Variants in SUSD6 observed in about 807,000 individuals in gnomAD.
SUSD6 encodes sushi domain-containing protein 6.
A neutral mutation model predicts 28.4 loss-of-function variants in SUSD6; 16 were observed. The ratio of observed to expected loss-of-function variants is 0.56; its 90% CI spans 0.38 to 0.86. The LOEUF (loss-of-function observed/expected upper bound fraction) is 0.86. SUSD6 is among the 40% of genes least tolerant of loss of function. The pLI is 0.00. For missense variants in SUSD6, 341 were observed against 384.2 expected (o/e 0.89, Z 0.94); for synonymous variants, 147 against 159.6 (o/e 0.92, Z 0.59).
At chr14:69,656,928 C>A (rs1230955962) in intron 1 of SUSD6, among the ~76,000 whole-genome samples, 6 of 152,226 alleles carry the variant, frequency 3.9e-5, no homozygotes, top group Non-Finnish European at 4.4e-5. Context: ...CATCCCTGTT[C>A]TACAGTTTTA....
At chr14:69,616,440 G>T (rs1452005018) in intron 1 of SUSD6, among the ~76,000 whole-genome samples, 1 of 152,200 alleles carries the variant, frequency 6.6e-6, no homozygotes, top group Non-Finnish European at 1.5e-5. Context: ...TTCTGACAAA[G>T]ACAGTAAAAT....
At chr14:69,630,061 C>T (rs1296577828) in intron 1 of SUSD6, among the ~76,000 whole-genome samples, 1 of 152,164 alleles carries the variant, frequency 6.6e-6, no homozygotes, top group Non-Finnish European at 1.5e-5. Context: ...TATTACTAGG[C>T]AGGCTGATAA....
intron 1 of SUSD6, among the ~76,000 whole-genome samples, chr14:69,631,819 T>A (rs1885199302): frequency 1.3e-5 from 2 of 152,320 alleles, no homozygotes; most frequent in South Asian, 4.1e-4. Flanking sequence ...TGGGAAATGC[T>A]TGCAAAAGCA....
At chr14:69,663,754 G>A (rs1885696310) in intron 2 of SUSD6, among the ~76,000 whole-genome samples, 1 of 152,186 alleles carries the variant, frequency 6.6e-6, no homozygotes, top group Non-Finnish European at 1.5e-5. Context: ...TTTGTGCTCA[G>A]TATGTCTGAC....
At chr14:69,702,650 C>T (rs1333032098) in intron 2 of SUSD6, among the ~76,000 whole-genome samples, 2 of 152,202 alleles carry the variant, frequency 1.3e-5, no homozygotes, top group Non-Finnish European at 2.9e-5. Context: ...GACTGTGACC[C>T]CAAGCCTGCC....
At chr14:69,689,828 G>T (rs1417472263) in intron 2 of SUSD6, among the ~76,000 whole-genome samples, 1 of 152,074 alleles carries the variant, frequency 6.6e-6, no homozygotes, top group East Asian at 1.9e-4. Flanking sequence ...ACGTTGCCTG[G>T]CTAATTTTTG....
intron 2 of SUSD6, among the ~76,000 whole-genome samples, chr14:69,686,848 CAG>C (rs138617226): frequency 0.037 from 5,669 of 152,256 alleles, 366 homozygotes; most frequent in African/African-American, 0.13. Flanking sequence ...GGTGGGGACA[CAG>C]AGTCAAACCA....
At chr14:69,627,744 G>A (rs993260527) in intron 1 of SUSD6, among the ~76,000 whole-genome samples, 2 of 151,752 alleles carry the variant, frequency 1.3e-5, no homozygotes, top group African/African-American at 2.4e-5. Flanking sequence ...GATTACAGGC[G>A]TGAGCCACCG....
At chr14:69,667,476 A>T (rs1885761075) in intron 2 of SUSD6, among the ~76,000 whole-genome samples, 1 of 142,416 alleles carries the variant, frequency 7.0e-6, no homozygotes, top group Admixed American at 7.5e-5. Flanking sequence ...TCCTGGGTTC[A>T]CGCCATTCTC....
Position 69,708,763 on chromosome 14 carries a change from A to G in SUSD6, c.545A>G (p.Tyr182Cys). The change falls in exon 5 of 6, where the codon TAT becomes TGT. Residue 182 changes from tyrosine to cysteine, a missense_variant. Transcript: ENST00000342745. ...CTACCATCATACGAGGAGGCTGTAT[A>G]TGGCAGTTCTGGTCACTGTGTGCCA... is the stretch of plus-strand genomic sequence containing the variant. ...VALPSYEEAV[Y>C]GSSGHCVPPA... 6.2e-7 allele frequency: 1 copy of G among 1,614,096 alleles called. No homozygotes were observed. The highest frequency in any genetic ancestry group is 8.5e-7 in the Non-Finnish European group (1 of 1,179,992).
intron 1 of SUSD6, among the ~76,000 whole-genome samples, chr14:69,634,465 T>A (rs563046568): frequency 1.3e-5 from 2 of 152,370 alleles, no homozygotes; most frequent in Admixed American, 6.5e-5. Context: ...AAAAGCAGTA[T>A]CCTCCACTTC....
intron 2 of SUSD6, among the ~76,000 whole-genome samples, chr14:69,666,295 A>C (rs972946163): frequency 6.6e-6 from 1 of 152,136 alleles, no homozygotes; most frequent in Admixed American, 6.5e-5. Flanking sequence ...CAGCTAAGTG[A>C]TCTCACTGTG....
At chr14:69,683,761 G>T (rs1360433301) in intron 2 of SUSD6, among the ~76,000 whole-genome samples, 1 of 152,206 alleles carries the variant, frequency 6.6e-6, no homozygotes, top group East Asian at 1.9e-4. Context: ...AAATCATCAT[G>T]AGGAAAAATG....
rs79097019 is a variant in SUSD6, at chr14:69,667,077, A to G, written c.121+8364A>G. Among the ~76,000 whole-genome samples the G allele has an allele frequency of 3.3e-3, 505 of 152,250 alleles. 5 individuals carry two copies. The highest frequency in any genetic ancestry group is 0.011 in the African/African-American group (462 of 41,532). On this transcript the variant is annotated intron_variant, in intron 2 of 5. Coordinates refer to ENST00000342745, the MANE Select transcript of SUSD6 (RefSeq NM_014734.4). ...ATTGTCACTGGCTTGGCTTCTGATG[A>G]TTCGGCCTTGTTGACCCTGGCTATG...
At chr14:69,643,274 T>C (rs776970862) in intron 1 of SUSD6, among the ~76,000 whole-genome samples, 34 of 152,214 alleles carry the variant, frequency 2.2e-4, no homozygotes, top group Admixed American at 4.6e-4. Flanking sequence ...GTATTAACCT[T>C]GGATGTCTTT....
chr14:69,657,484 T>G (rs1451878212), intron 1 of SUSD6, among the ~76,000 whole-genome samples: 1 of 151,752 alleles, frequency 6.6e-6, no homozygotes, highest in Admixed American at 6.6e-5. Flanking sequence ...ATCTGGGTAG[T>G]ATCCCTGGCA....
intron 2 of SUSD6, among the ~76,000 whole-genome samples, chr14:69,659,941 C>T (rs1266011379): frequency 3.3e-5 from 5 of 152,316 alleles, no homozygotes; most frequent in East Asian, 1.9e-4. Flanking sequence ...TGGGTGTGTA[C>T]GGTAGGCCTC....
chr14:69,637,320 C>T (rs1009080233), intron 1 of SUSD6, among the ~76,000 whole-genome samples: 1 of 152,118 alleles, frequency 6.6e-6, no homozygotes. Context: ...CCGTCTGTTT[C>T]CTTGTTCTTC....
chr14:69,630,780 CAGTT>C (rs1885181954), intron 1 of SUSD6, among the ~76,000 whole-genome samples: 1 of 152,086 alleles, frequency 6.6e-6, no homozygotes, highest in Non-Finnish European at 1.5e-5. Context: ...CCATCTTTGT[CAGTT>C]ATTTTCCAGA....
Sources: gnomAD v4.1 joint callset for allele counts (sites outside exome capture counted in the v4.1 genomes callset) on GRCh38, gnomAD v4.1.1 for gene constraint, MANE v1.5 for transcripts, NCBI Gene and HGNC (gene_info 2026-07-23, HGNC 2026-07-21) for gene names.